The following TENM2 variants were observed in gnomAD, a reference collection of about 807,000 sequenced individuals.
TENM2 encodes teneurin-2.
A neutral mutation model predicts 245.2 loss-of-function variants in TENM2; 52 were observed. That is an observed-to-expected ratio of 0.21 (90% CI 0.17 to 0.27). The LOEUF (loss-of-function observed/expected upper bound fraction) is 0.27. TENM2 is among the 10% of genes least tolerant of loss of function. TENM2 has a pLI of 1.00. For synonymous variants in TENM2, 1,363 were observed against 1,438.9 expected, an observed-to-expected ratio of 0.95 and a Z score of 1.19; for missense variants, 3,046 against 3,666.8, an observed-to-expected ratio of 0.83 and a Z score of 4.37.
intron 1 of TENM2, among the ~76,000 whole-genome samples, chr5:167,373,135 C>A (rs535135973): frequency 1.1e-3 from 167 of 152,260 alleles, no homozygotes; most frequent in African/African-American, 3.9e-3. Context: ...TCTGAAGAGA[C>A]AATTATGTAT....
the TENM2 span, among the ~76,000 whole-genome samples, chr5:167,160,973 G>C: frequency 6.6e-6 from 1 of 152,172 alleles, no homozygotes; most frequent in Middle Eastern, 3.4e-3. Flanking sequence ...TAAAACCCTT[G>C]TATTTTCAAT....
At chr5:167,823,398 G>A (rs762270843) in intron 2 of TENM2, among the ~76,000 whole-genome samples, 25 of 152,060 alleles carry the variant, frequency 1.6e-4, no homozygotes, top group East Asian at 1.5e-3. Flanking sequence ...TCACACACAC[G>A]CACACACAGA....
the TENM2 span, among the ~76,000 whole-genome samples, chr5:167,137,777 G>A: frequency 1.3e-5 from 2 of 152,082 alleles, no homozygotes; most frequent in African/African-American, 4.8e-5. Flanking sequence ...ACTTTAATTG[G>A]TGGAACTGTG....
chr5:168,181,770 G>A (rs1401321280), intron 13 of TENM2, among the ~76,000 whole-genome samples: 3 of 140,234 alleles, frequency 2.1e-5, no homozygotes, highest in Admixed American at 7.8e-5. Context: ...TCCACCTCCC[G>A]AGTTCAAGCG....
chr5:167,860,023 C>T (rs1771585448), intron 2 of TENM2, among the ~76,000 whole-genome samples: 2 of 106,402 alleles, frequency 1.9e-5, no homozygotes, highest in African/African-American at 7.2e-5. Context: ...GGTCGGCCCC[C>T]CTGCCCGGCC....
the TENM2 span, among the ~76,000 whole-genome samples, chr5:167,147,619 T>G: frequency 6.6e-6 from 1 of 152,296 alleles, no homozygotes; most frequent in South Asian, 2.1e-4. Context: ...ACATTGAATG[T>G]TTATTATATA....
intron 2 of TENM2, among the ~76,000 whole-genome samples, chr5:167,592,193 GCTT>G (rs1775920616): frequency 6.6e-6 from 1 of 152,302 alleles, no homozygotes; most frequent in South Asian, 2.1e-4. Flanking sequence ...GCTGAGTTCG[GCTT>G]CTTCTCTGGT....
chr5:167,228,645 T>C, the TENM2 span, among the ~76,000 whole-genome samples: 1 of 151,196 alleles, frequency 6.6e-6, no homozygotes, highest in Non-Finnish European at 1.5e-5. Flanking sequence ...TTAATTTTTT[T>C]CATGTTTCCT....
intron 2 of TENM2, among the ~76,000 whole-genome samples, chr5:167,432,766 A>G (rs1171974007): frequency 6.6e-6 from 1 of 151,996 alleles, no homozygotes; most frequent in Non-Finnish European, 1.5e-5. Context: ...TCCACCGCAC[A>G]TCTGAGAATT....
At chr5:168,074,145 T>C (rs544793410) in intron 7 of TENM2, among the ~76,000 whole-genome samples, 80 of 152,342 alleles carry the variant, frequency 5.3e-4, no homozygotes, top group African/African-American at 1.8e-3. Flanking sequence ...TCATATTACC[T>C]TATCCTTCCG....
At chr5:167,072,728 C>T in the TENM2 span, among the ~76,000 whole-genome samples, 1 of 152,140 alleles carries the variant, frequency 6.6e-6, no homozygotes, top group South Asian at 2.1e-4. Flanking sequence ...ATATGATATA[C>T]CCCACATGCT....
the TENM2 span, among the ~76,000 whole-genome samples, chr5:167,186,428 A>G: frequency 1.3e-5 from 2 of 152,188 alleles, no homozygotes; most frequent in Non-Finnish European, 2.9e-5. Flanking sequence ...AGATAAAACA[A>G]CAGGGCTCTC....
intron 2 of TENM2, among the ~76,000 whole-genome samples, chr5:167,585,136 G>A (rs1582459184): frequency 6.6e-6 from 1 of 152,280 alleles, no homozygotes; most frequent in East Asian, 1.9e-4. Flanking sequence ...CAGATTCAAA[G>A]TGTCCTAGGG....
chr5:167,983,782 T>G (rs1783026017), intron 4 of TENM2, among the ~76,000 whole-genome samples: 1 of 152,148 alleles, frequency 6.6e-6, no homozygotes, highest in South Asian at 2.1e-4. Flanking sequence ...AAGAAGCACA[T>G]TAGTAACATC....
intron 1 of TENM2, among the ~76,000 whole-genome samples, chr5:167,342,051 A>G (rs567108324): frequency 2.2e-4 from 33 of 152,300 alleles, no homozygotes; most frequent in Non-Finnish European, 3.5e-4. Flanking sequence ...GACACACCCA[A>G]TTGTCCAGGT....
At chr5:167,598,882 ACTCC>A (rs1249358480) in intron 2 of TENM2, among the ~76,000 whole-genome samples, 1 of 152,010 alleles carries the variant, frequency 6.6e-6, no homozygotes, top group Admixed American at 6.6e-5. Flanking sequence ...CAGGTTAATC[ACTCC>A]CTCCATCACG....
chr5:168,093,607 T>C (rs543977392), intron 8 of TENM2, among the ~76,000 whole-genome samples: 2 of 152,274 alleles, frequency 1.3e-5, no homozygotes, highest in East Asian at 1.9e-4. Context: ...TTGATGTGTT[T>C]TGGAGAGAAG....
the TENM2 span, among the ~76,000 whole-genome samples, chr5:167,137,119 C>T: frequency 6.6e-6 from 1 of 152,096 alleles, no homozygotes; most frequent in Non-Finnish European, 1.5e-5. Context: ...ATCACTAATC[C>T]CTTTATTAGG....
chr5:167,621,214 T>G (rs1430565277), intron 2 of TENM2, among the ~76,000 whole-genome samples: 3 of 152,172 alleles, frequency 2.0e-5, no homozygotes, highest in Non-Finnish European at 4.4e-5. Context: ...ATTAATTACC[T>G]AAATGAATGA....
Sources: allele counts gnomAD v4.1 joint callset (sites outside exome capture counted in the v4.1 genomes callset), GRCh38; gene constraint gnomAD v4.1.1; transcripts MANE v1.5; gene names NCBI Gene and HGNC (gene_info 2026-07-23, HGNC 2026-07-21).